FBXO36: variants seen among roughly 807,000 people sequenced by gnomAD.
The protein encoded by FBXO36 is F-box only protein 36.
Under a neutral mutation model 17.0 loss-of-function variants are expected in FBXO36, and 18 were observed. The ratio of observed to expected loss-of-function variants is 1.06; its 90% confidence interval spans 0.73 to 1.57. The LOEUF (loss-of-function observed/expected upper bound fraction) is 1.57. Among genes scored for constraint, FBXO36 ranks in the 40% most tolerant of loss-of-function variants. The pLI, the probability that FBXO36 is intolerant of heterozygous loss-of-function variation, is 0.00. For missense variants in FBXO36, 229 were observed against 221.9 expected (o/e 1.03, Z -0.20); for synonymous variants, 83 against 85.3 (o/e 0.97, Z 0.15).
chr2:229,995,544 T>TTTCTCTTTC (rs2077320590), intron 2 of FBXO36, among the ~76,000 whole-genome samples: 1 of 151,382 alleles, frequency 6.6e-6, no homozygotes, highest in African/African-American at 2.4e-5. Flanking sequence ...CTTTATATTT[T>TTTCTCTTTC]TTCTCTTTCT....
intron 3 of FBXO36, among the ~76,000 whole-genome samples, chr2:230,002,382 A>T (rs540187977): frequency 1.8e-4 from 27 of 146,064 alleles, no homozygotes; most frequent in African/African-American, 6.8e-4. Flanking sequence ...CCGTACGTTA[A>T]TTTTTTTTTT....
At position 229,947,633 on chromosome 2, in the gene FBXO36, C is replaced by G. The variant is rs897018976; in HGVS notation, c.96+25024C>G. On this transcript the variant is annotated intron_variant, in intron 1 of 3. Transcript: ENST00000283946. ...TCTTATTAGATTTTGTCATGATCCT[C>G]TAAAGTACCACGGAGTTGAATGTCA... Among the ~76,000 whole-genome samples, 3 of 152,286 alleles carry G rather than the reference C, an allele frequency of 2.0e-5. No individual in the cohort carries two copies. The East Asian group carries it at 5.8e-4, about 29-fold the overall frequency.
chr2:229,969,715 T>G lies in FBXO36; in HGVS notation c.97-6526T>G, dbSNP rs546290199. 3.3e-5 allele frequency among the ~76,000 whole-genome samples: 5 copies of G among 152,102 alleles called. No individual in the cohort carries two copies. In the South Asian group the frequency reaches 1.0e-3, roughly 32 times the overall value. ...ATAAAAAATAAAAATAAAATAAAAT[T>G]GATAAATTGGACTTTGTCAAAATTA... is the stretch of plus-strand genomic sequence containing the variant. On this transcript the variant is annotated intron_variant, in intron 1 of 3. Transcript: ENST00000283946.
intron 2 of FBXO36, chr2:229,976,855 C>T (rs114213032): frequency 0.016 from 2,484 of 152,130 alleles, 38 homozygotes; most frequent in Middle Eastern, 0.071. Flanking sequence ...CATGTGGACT[C>T]CATTAATGAA....
chr2:230,005,505 T>C (rs1035836787), intron 3 of FBXO36, among the ~76,000 whole-genome samples: 9 of 152,166 alleles, frequency 5.9e-5, no homozygotes, highest in Admixed American at 3.3e-4. Context: ...TAGAAAAAAT[T>C]GCTAAGTGTA....
intron 1 of FBXO36, among the ~76,000 whole-genome samples, chr2:229,952,033 C>T (rs141450391): frequency 1.8e-4 from 28 of 152,092 alleles, no homozygotes; most frequent in African/African-American, 6.5e-4. Context: ...AACTTTTTTT[C>T]AAGAAAATGT....
chr2:229,979,495 T>A (rs890148983), intron 2 of FBXO36, among the ~76,000 whole-genome samples: 1 of 151,792 alleles, frequency 6.6e-6, no homozygotes. Context: ...TAGTTAAAAG[T>A]TGGGCTGGGT....
rs919397682 is a variant in FBXO36 at position 229,949,143 on chromosome 2, T to C, written c.96+26534T>C. 2.6e-5 allele frequency among the ~76,000 whole-genome samples: 4 copies of C among 152,112 alleles called. No homozygotes were observed. In the East Asian group the frequency reaches 5.8e-4, roughly 22 times the overall value. On this transcript the variant is annotated intron_variant, in intron 1 of 3. Coordinates refer to ENST00000283946, the MANE Select transcript of FBXO36 (RefSeq NM_174899.5). The stretch of plus-strand genomic sequence containing the variant: ...CCACTGCGCCCAGCCTCAGGATGCC[T>C]CTTTTTTTTACATAAATGCCTGTCT...
chr2:230,003,244 T>A (rs1054064544), intron 3 of FBXO36, among the ~76,000 whole-genome samples: 2 of 151,956 alleles, frequency 1.3e-5, no homozygotes, highest in Admixed American at 6.6e-5. Flanking sequence ...TTCTTTTTTT[T>A]ATGAAGTGGT....
chr2:229,982,336 A>G lies in FBXO36; in HGVS notation c.205+5987A>G, dbSNP rs566034790. Reference sequence around the variant, plus strand: ...CCACTGTGCCCAGCCTCCTTCCTCTATCTGCAAAGCCAACAATGGCAGGTC... The same window carrying G: ...CCACTGTGCCCAGCCTCCTTCCTCTGTCTGCAAAGCCAACAATGGCAGGTC... On this transcript the variant is annotated intron_variant, in intron 2 of 3. Transcript: ENST00000283946. Among the ~76,000 whole-genome samples, 18 of 151,980 alleles carry G rather than the reference A, an allele frequency of 1.2e-4. No homozygotes were observed. The South Asian group carries it at 3.7e-3, about 32-fold the overall frequency.
intron 1 of FBXO36, among the ~76,000 whole-genome samples, chr2:229,941,911 G>C (rs971077580): frequency 1.3e-5 from 2 of 152,092 alleles, no homozygotes; most frequent in Non-Finnish European, 2.9e-5. Flanking sequence ...AGCTACTCAG[G>C]AGGCCAAGGC....
intron 1 of FBXO36, among the ~76,000 whole-genome samples, chr2:229,944,131 A>G (rs974436233): frequency 6.6e-5 from 10 of 152,170 alleles, no homozygotes; most frequent in Non-Finnish European, 1.3e-4. Flanking sequence ...TGAATCAGTT[A>G]AAGCCTCTTT....
intron 1 of FBXO36, among the ~76,000 whole-genome samples, chr2:229,952,095 AT>A (rs1057276435): frequency 3.3e-5 from 5 of 151,976 alleles, no homozygotes; most frequent in African/African-American, 4.8e-5. Context: ...ACTGTATCTA[AT>A]TTTTTTTAGG....
chr2:229,997,039 G>A, intron 3 of FBXO36, 116 bp downstream of exon 3: 1 of 876,882 alleles, frequency 1.1e-6, no homozygotes, highest in Non-Finnish European at 1.8e-6. Context: ...TGTCTTAGGT[G>A]CACAAGCAGC....
chr2:229,967,243 G>T (rs971347397), intron 1 of FBXO36, among the ~76,000 whole-genome samples: 1 of 152,180 alleles, frequency 6.6e-6, no homozygotes, highest in African/African-American at 2.4e-5. Flanking sequence ...CTGAGACTTT[G>T]CTGAAGTTGC....
At chr2:229,970,993 G>T (rs2077177193) in intron 1 of FBXO36, among the ~76,000 whole-genome samples, 1 of 152,110 alleles carries the variant, frequency 6.6e-6, no homozygotes, top group African/African-American at 2.4e-5. Flanking sequence ...TCCAGCAATT[G>T]CATCAACACA....
At chr2:229,934,123 C>T (rs1024758754) in intron 1 of FBXO36, among the ~76,000 whole-genome samples, 9 of 151,554 alleles carry the variant, frequency 5.9e-5, no homozygotes, top group African/African-American at 1.2e-4. Context: ...ATTGTGCAGC[C>T]GGGTGCGGTG....
intron 1 of FBXO36, among the ~76,000 whole-genome samples, chr2:229,946,745 G>GT (rs1301233628): frequency 6.6e-6 from 1 of 152,190 alleles, no homozygotes. Context: ...ACTAAACACT[G>GT]TAAGAGCCTA....
At chr2:229,931,605 C>T (rs1193453544) in intron 1 of FBXO36, among the ~76,000 whole-genome samples, 2 of 152,112 alleles carry the variant, frequency 1.3e-5, no homozygotes, top group African/African-American at 4.8e-5. Context: ...TTTTAGGAGG[C>T]CAAGGCAGGC....
Sources: gnomAD v4.1 joint callset for allele counts (sites outside exome capture counted in the v4.1 genomes callset) on GRCh38, gnomAD v4.1.1 for gene constraint, MANE v1.5 for transcripts, NCBI Gene and HGNC (gene_info 2026-07-23, HGNC 2026-07-21) for gene names.